IL34: variants seen among roughly 807,000 people sequenced by gnomAD.
The protein encoded by IL34 is interleukin 34, also known as interleukin-34.
A neutral mutation model predicts 25.3 loss-of-function variants in IL34; 17 were observed. The observed-to-expected ratio is 0.67, with a 90% CI of 0.46 to 1.01. IL34 has a LOEUF of 1.01. Ranked by LOEUF, IL34 falls within the 50% of genes least tolerant of loss-of-function variation. The pLI is 0.00. For synonymous variants in IL34, 174 were observed against 140.9 expected, an observed-to-expected ratio of 1.23 and a Z score of -1.66; for missense variants, 368 against 312.9, an observed-to-expected ratio of 1.18 and a Z score of -1.33.
intron 4 of IL34, among the ~76,000 whole-genome samples, chr16:70,658,942 G>A (rs887229050): frequency 3.9e-5 from 6 of 152,164 alleles, no homozygotes; most frequent in Non-Finnish European, 5.9e-5. Flanking sequence ...TCACATTCAC[G>A]GGTACCAAGG....
chr16:70,639,462 G>T, intron 1 of IL34, among the ~76,000 whole-genome samples: 1 of 152,298 alleles, frequency 6.6e-6, no homozygotes, highest in African/African-American at 2.4e-5. Context: ...ATCAGAAAGC[G>T]AGATGATGAA....
At chr16:70,622,315 C>A (rs374349789) in intron 1 of IL34, among the ~76,000 whole-genome samples, 2 of 151,974 alleles carry the variant, frequency 1.3e-5, no homozygotes, top group African/African-American at 4.8e-5. Context: ...GCTAATTTGC[C>A]AGTCCTGGGC....
At chr16:70,648,552 T>TAAAA (rs56164163) in intron 1 of IL34, among the ~76,000 whole-genome samples, 142 of 73,260 alleles carry the variant, frequency 1.9e-3, no homozygotes, top group Middle Eastern at 9.1e-3. Context: ...ACCCTGTCTT[T>TAAAA]AAAAAAAAAA....
upstream of IL34, among the ~76,000 whole-genome samples, chr16:70,644,082 C>G (rs539136218): frequency 1.3e-5 from 2 of 152,194 alleles, no homozygotes; most frequent in Non-Finnish European, 2.9e-5. Context: ...TCCAGTGATT[C>G]TGCTGCCTCA....
Position 70,592,954 on chromosome 16 carries a change from A to AT in IL34, c.-401+12911dup, listed in dbSNP as rs528576534. Among the ~76,000 whole-genome samples, 21 of 152,056 alleles carry AT rather than the reference A, an allele frequency of 1.4e-4. No individual in the cohort carries two copies. In the South Asian group the frequency reaches 2.5e-3, roughly 18 times the overall value. On this transcript the variant is annotated intron_variant, in intron 1 of 6. Coordinates refer to the IL34 transcript ENST00000429149. ...AGGCGTGAGCCACCGTGCCGGCCCT[A>AT]TTTTTTAAATTTTTCTTAAAAACAC...
At chr16:70,611,002 C>G (rs961636270) in intron 1 of IL34, among the ~76,000 whole-genome samples, 2 of 152,012 alleles carry the variant, frequency 1.3e-5, no homozygotes, top group Non-Finnish European at 2.9e-5. Flanking sequence ...GAGACAGGGT[C>G]TTGCTCTGTG....
At chr16:70,586,580 G>T (rs1016836805) in intron 1 of IL34, among the ~76,000 whole-genome samples, 1 of 152,082 alleles carries the variant, frequency 6.6e-6, no homozygotes, top group Non-Finnish European at 1.5e-5. Flanking sequence ...AAAAACAAAT[G>T]TGTTACCACT....
rs537597182 is a variant in IL34 at position 70,657,481 on chromosome 16, G to A, written c.402+360G>A. ...AGAGGGGAAGAATGGATGGAGCACA[G>A]GGAATGTTTAGGGCAGTAAAACATG... On this transcript the variant is annotated intron_variant, in intron 4 of 5. Transcript: ENST00000288098. The A allele has an allele frequency of 1.3e-5, 3 of 227,998 alleles. No homozygotes were observed. In the East Asian group the frequency reaches 3.3e-4, roughly 25 times the overall value. 14.1% of individuals were successfully genotyped at this position (227,998 alleles called of 1,614,324 possible).
chr16:70,580,385 A>G (rs1407730587), intron 1 of IL34, among the ~76,000 whole-genome samples: 2 of 152,260 alleles, frequency 1.3e-5, no homozygotes, highest in African/African-American at 2.4e-5. Context: ...AATGGTTGGC[A>G]TGGGCCGTGG....
intron 1 of IL34, among the ~76,000 whole-genome samples, chr16:70,581,310 G>C (rs1021502195): frequency 2.0e-5 from 3 of 152,158 alleles, no homozygotes; most frequent in Non-Finnish European, 4.4e-5. Flanking sequence ...ATCCCTGGAC[G>C]GGCAGCCTCT....
chr16:70,646,777 C>A lies in IL34; in HGVS notation c.-171C>A. The A allele has an allele frequency of 1.7e-6, 1 of 581,146 alleles. No homozygotes were observed. Among genetic ancestry groups the A allele is most frequent in the South Asian group, 2.5e-5 (1 of 40,806 alleles). 36.0% of individuals were successfully genotyped at this position (581,146 alleles called of 1,614,324 possible). A position where few individuals can be genotyped will look rare whatever the true frequency, so the allele number is the denominator to read the frequency against. On this transcript the variant is annotated 5_prime_UTR_variant, in exon 1 of 6. Coordinates refer to ENST00000288098, the MANE Select transcript of IL34 (RefSeq NM_001393494.1). Reference sequence around the variant, plus strand: ...GCCGGGCAGATAAGGGCAGCTGCTGCCCTTGGGGCACCTGCTCACTCCCGC... The same window carrying A: ...GCCGGGCAGATAAGGGCAGCTGCTGACCTTGGGGCACCTGCTCACTCCCGC...
At chr16:70,656,505 T>G in intron 2 of IL34, 97 bp from the exon 3 acceptor site, 1 of 801,044 alleles carries the variant, frequency 1.2e-6, no homozygotes, top group Non-Finnish European at 2.2e-6. Context: ...GGTGACAGAG[T>G]GAGACTAACT....
chr16:70,619,769 G>C (rs1000678677), intron 1 of IL34, among the ~76,000 whole-genome samples: 10 of 152,038 alleles, frequency 6.6e-5, no homozygotes, highest in Middle Eastern at 3.4e-3. Context: ...GTCAGTCAGA[G>C]AGCCTTGGGC....
chr16:70,638,521 C>G (rs1358925066), intron 1 of IL34, among the ~76,000 whole-genome samples: 1 of 151,956 alleles, frequency 6.6e-6, no homozygotes, highest in Non-Finnish European at 1.5e-5. Flanking sequence ...TCTGACCCCC[C>G]CACTCTCTCT....
rs1206553261 is a variant in IL34, at chr16:70,636,775, C to CAA, written c.-400-9770_-400-9769dup. Among the ~76,000 whole-genome samples, 8 of 151,542 alleles carry CAA rather than the reference C, an allele frequency of 5.3e-5. No homozygotes were observed. In the East Asian group the frequency reaches 1.2e-3, roughly 22 times the overall value. On this transcript the variant is annotated intron_variant, in intron 1 of 6. Transcript: ENST00000429149. ...AGAGAGAAACCCTGTCTCAAACAAA[C>CAA]AAAACAAAACAAAACAAAAAACAAA... is the stretch of plus-strand genomic sequence containing the variant.
intron 4 of IL34, among the ~76,000 whole-genome samples, chr16:70,658,482 T>G (rs2052292233): frequency 6.6e-6 from 1 of 151,226 alleles, no homozygotes. Flanking sequence ...GCCTCTGTGG[T>G]GGCTTTTTTT....
chr16:70,583,460 G>A (rs2050657904), intron 1 of IL34, among the ~76,000 whole-genome samples: 3 of 152,144 alleles, frequency 2.0e-5, no homozygotes, highest in South Asian at 2.1e-4. Flanking sequence ...GGGACGAAGC[G>A]AGTGTTAGCA....
chr16:70,603,362 C>G (rs2050948844), intron 1 of IL34, among the ~76,000 whole-genome samples: 1 of 152,188 alleles, frequency 6.6e-6, no homozygotes, highest in Non-Finnish European at 1.5e-5. Flanking sequence ...TCACCGCAAC[C>G]TCCACCTCTC....
intron 2 of IL34, 108 bp downstream of exon 2, chr16:70,654,779 C>G (rs1350095499): frequency 2.2e-6 from 3 of 1,343,388 alleles, no homozygotes; most frequent in African/African-American, 2.9e-5. Context: ...CAGCCCTGAG[C>G]CGACCATGGC....
Sources: allele counts gnomAD v4.1 joint callset (sites outside exome capture counted in the v4.1 genomes callset), GRCh38; gene constraint gnomAD v4.1.1; transcripts MANE v1.5; gene names NCBI Gene and HGNC (gene_info 2026-07-23, HGNC 2026-07-21).